The following NALF1 variants were observed in gnomAD, a reference collection of about 807,000 sequenced individuals.
NALF1 encodes the protein family with sequence similarity 155 member A.
A neutral mutation model predicts 48.4 loss-of-function variants in NALF1; 3 were observed. That is an observed-to-expected ratio of 0.06 (90% CI 0.03 to 0.16). The LOEUF (loss-of-function observed/expected upper bound fraction) is 0.16, where lower values mean the gene tolerates loss of function less well. NALF1 is among the 10% of genes least tolerant of loss of function. The pLI, the probability that NALF1 is intolerant of heterozygous loss-of-function variation, is 1.00. For missense variants in NALF1, 526 were observed against 571.5 expected, an observed-to-expected ratio of 0.92 and a Z score of 0.81; for synonymous variants, 262 against 245.7, an observed-to-expected ratio of 1.07 and a Z score of -0.62.
At chr13:107,528,951 C>T (rs1371317336) in intron 1 of NALF1, among the ~76,000 whole-genome samples, 1 of 152,126 alleles carries the variant, frequency 6.6e-6, no homozygotes, top group Non-Finnish European at 1.5e-5. Flanking sequence ...CTGTTAGGTA[C>T]ATGGCCTCTG....
chr13:107,574,507 T>A (rs887904594), intron 1 of NALF1, among the ~76,000 whole-genome samples: 1 of 152,240 alleles, frequency 6.6e-6, no homozygotes, highest in Non-Finnish European at 1.5e-5. Flanking sequence ...ATATGGTCAT[T>A]GAATCTTTAC....
At chr13:107,359,324 T>C (rs1883020399) in intron 1 of NALF1, among the ~76,000 whole-genome samples, 1 of 152,086 alleles carries the variant, frequency 6.6e-6, no homozygotes, top group Non-Finnish European at 1.5e-5. Flanking sequence ...TGCCATGTCT[T>C]TTTACCAGAC....
chr13:107,230,822 G>A (rs1880204888), intron 1 of NALF1, among the ~76,000 whole-genome samples: 1 of 152,236 alleles, frequency 6.6e-6, no homozygotes, highest in East Asian at 1.9e-4. Context: ...CACGTTGGGA[G>A]GCCAAGGTGG....
Position 107,265,973 on chromosome 13 carries a change from A to G in NALF1, c.916-55218T>C, listed in dbSNP as rs140364581. On this transcript the variant is annotated intron_variant, in intron 1 of 2. Coordinates refer to ENST00000375915, the MANE Select transcript of NALF1 (RefSeq NM_001080396.3). ...AGGTGCTGGGAAATAGTTATTTCAG[A>G]TGCTCTCTTGTTTCTTCTCTCAAGC... Among the ~76,000 whole-genome samples, 218 of 152,302 alleles carry G rather than the reference A, an allele frequency of 1.4e-3. 1 individual carries two copies. The highest frequency in any genetic ancestry group is 2.4e-3 in the Non-Finnish European group (166 of 68,038).
At chr13:107,336,552 A>T (rs1263733280) in intron 1 of NALF1, among the ~76,000 whole-genome samples, 1 of 152,078 alleles carries the variant, frequency 6.6e-6, no homozygotes, top group East Asian at 1.9e-4. Flanking sequence ...TACAGAGGAG[A>T]GAACAATCTT....
chr13:107,838,061 C>T (rs561719677), intron 1 of NALF1, among the ~76,000 whole-genome samples: 6 of 152,232 alleles, frequency 3.9e-5, no homozygotes, highest in Admixed American at 3.3e-4. Context: ...CTTCCAAATG[C>T]TGGAAGCACG....
At chr13:107,794,941 T>C (rs1433810311) in intron 1 of NALF1, among the ~76,000 whole-genome samples, 3 of 152,174 alleles carry the variant, frequency 2.0e-5, no homozygotes, top group Non-Finnish European at 2.9e-5. Flanking sequence ...AGAAAATCTT[T>C]TGATGTACTG....
intron 1 of NALF1, among the ~76,000 whole-genome samples, chr13:107,435,682 G>A (rs1167630545): frequency 6.6e-6 from 1 of 151,864 alleles, no homozygotes; most frequent in Non-Finnish European, 1.5e-5. Context: ...TGAAAAGGAA[G>A]CACTTGAAAT....
At chr13:107,552,324 A>G (rs1356711392) in intron 1 of NALF1, among the ~76,000 whole-genome samples, 1 of 152,222 alleles carries the variant, frequency 6.6e-6, no homozygotes, top group Non-Finnish European at 1.5e-5. Flanking sequence ...ACATGTGTCA[A>G]TAAATATACC....
rs548709767 is a variant in NALF1, at chr13:107,507,594, T to TA, written c.916-296840dup. Among the ~76,000 whole-genome samples the TA allele has an allele frequency of 7.7e-3, 662 of 86,370 alleles. 15 individuals carry two copies. Among genetic ancestry groups the TA allele is most frequent in the African/African-American group, 0.017 (302 of 17,874 alleles). 56.7% of individuals were successfully genotyped at this position (86,370 alleles called of 152,430 possible). A position where few individuals can be genotyped will look rare whatever the true frequency, so the allele number is the denominator to read the frequency against. On this transcript the variant is annotated intron_variant, in intron 1 of 2. Coordinates refer to ENST00000375915, the MANE Select transcript of NALF1 (RefSeq NM_001080396.3). Reference sequence around the variant, plus strand: ...AGATGCCTAGATGTTTATTCTCCATTAAAAAAAAAAAAAAAAAAAAAAAAA... The same window carrying TA: ...AGATGCCTAGATGTTTATTCTCCATTAAAAAAAAAAAAAAAAAAAAAAAAAA...
At chr13:107,553,947 C>T (rs1877375570) in intron 1 of NALF1, among the ~76,000 whole-genome samples, 1 of 152,228 alleles carries the variant, frequency 6.6e-6, no homozygotes, top group African/African-American at 2.4e-5. Context: ...CATATCCATG[C>T]ACTGACACAG....
intron 1 of NALF1, among the ~76,000 whole-genome samples, chr13:107,780,904 A>G (rs1368307400): frequency 6.6e-6 from 1 of 152,192 alleles, no homozygotes; most frequent in African/African-American, 2.4e-5. Context: ...TGAGCTCTTG[A>G]AAAATGGAGA....
At chr13:107,570,870 C>G (rs1332668224) in intron 1 of NALF1, among the ~76,000 whole-genome samples, 1 of 151,396 alleles carries the variant, frequency 6.6e-6, no homozygotes, top group Non-Finnish European at 1.5e-5. Context: ...TAAATTTTTA[C>G]AGGAATTTTA....
intron 1 of NALF1, among the ~76,000 whole-genome samples, chr13:107,770,734 C>T (rs539655071): frequency 1.2e-4 from 19 of 152,330 alleles, no homozygotes; most frequent in African/African-American, 4.3e-4. Flanking sequence ...GGTGAAATCT[C>T]AATGGGCTCA....
At chr13:107,378,040 C>T (rs1242298446) in intron 1 of NALF1, among the ~76,000 whole-genome samples, 3 of 152,160 alleles carry the variant, frequency 2.0e-5, no homozygotes. Context: ...TCTCATCCTA[C>T]TTTCTGCTTT....
chr13:107,230,725 G>A (rs1410005123), intron 1 of NALF1, among the ~76,000 whole-genome samples: 1 of 152,018 alleles, frequency 6.6e-6, no homozygotes, highest in East Asian at 1.9e-4. Flanking sequence ...GCCAGGAAGA[G>A]ATAACACGAA....
At chr13:107,813,941 A>AG (rs1413280090) in intron 1 of NALF1, among the ~76,000 whole-genome samples, 1 of 152,172 alleles carries the variant, frequency 6.6e-6, no homozygotes, top group East Asian at 1.9e-4. Flanking sequence ...ATAAACATAT[A>AG]ATCAATGTAG....
At chr13:107,174,396 G>T (rs1393957644) in intron 2 of NALF1, among the ~76,000 whole-genome samples, 1 of 150,114 alleles carries the variant, frequency 6.7e-6, no homozygotes, top group Non-Finnish European at 1.5e-5. Context: ...TCGCTCTGTC[G>T]CCAGGCTGGA....
At chr13:107,798,300 T>C (rs906863077) in intron 1 of NALF1, among the ~76,000 whole-genome samples, 2 of 152,232 alleles carry the variant, frequency 1.3e-5, no homozygotes, top group Middle Eastern at 3.2e-3. Flanking sequence ...ATTAAATATA[T>C]GTTGCCAGTT....
Sources: gnomAD v4.1 joint callset for allele counts (sites outside exome capture counted in the v4.1 genomes callset) on GRCh38, gnomAD v4.1.1 for gene constraint, MANE v1.5 for transcripts, NCBI Gene and HGNC (gene_info 2026-07-23, HGNC 2026-07-21) for gene names.